SLC24A2: variants seen among roughly 807,000 people sequenced by gnomAD.
SLC24A2 encodes sodium/potassium/calcium exchanger 2.
SLC24A2 carries 36 observed loss-of-function variants against 62.0 expected under a neutral mutation model. That is an observed-to-expected ratio of 0.58 (90% confidence interval 0.44 to 0.77). SLC24A2 has a LOEUF of 0.77. Among genes scored for constraint, SLC24A2 ranks in the 30% least tolerant of loss-of-function variants. The pLI, the probability that SLC24A2 is intolerant of heterozygous loss-of-function variation, is 0.00. For synonymous variants in SLC24A2, 358 were observed against 294.0 expected (o/e 1.22, Z -2.23); for missense variants, 846 against 817.9 (o/e 1.03, Z -0.42).
At chr9:19,873,536 C>CTTTCTTTCTTTCTTTATTTCTTTCTT in the SLC24A2 span, among the ~76,000 whole-genome samples, 7 of 137,040 alleles carry the variant, frequency 5.1e-5, no homozygotes, top group South Asian at 2.2e-4. Context: ...TCCTTTCTTT[C>CTTTCTTTCTTTCTTTATTTCTTTCTT]TCTTTCTTTC....
At chr9:19,582,984 C>T (rs566825431) in intron 5 of SLC24A2, among the ~76,000 whole-genome samples, 3 of 152,210 alleles carry the variant, frequency 2.0e-5, no homozygotes, top group African/African-American at 7.2e-5. Flanking sequence ...CCCCCTTCTA[C>T]CCTCCCCTCT....
chr9:19,535,019 T>G (rs1685187937), intron 8 of SLC24A2, among the ~76,000 whole-genome samples: 2 of 152,198 alleles, frequency 1.3e-5, no homozygotes, highest in African/African-American at 4.8e-5. Context: ...CTCCAGCACC[T>G]GTTGTTTCCT....
the SLC24A2 span, among the ~76,000 whole-genome samples, chr9:19,931,721 C>T: frequency 5.6e-3 from 856 of 152,270 alleles, 10 homozygotes; most frequent in Middle Eastern, 0.024. Context: ...CCACAACACC[C>T]CTCAGTTCCA....
intron 4 of SLC24A2, among the ~76,000 whole-genome samples, chr9:19,605,810 A>G (rs1045626954): frequency 5.9e-5 from 9 of 152,212 alleles, no homozygotes; most frequent in African/African-American, 2.2e-4. Context: ...GACAGATACC[A>G]TTATCTTTCC....
intron 2 of SLC24A2, among the ~76,000 whole-genome samples, chr9:19,768,697 A>T (rs1054032604): frequency 6.6e-6 from 1 of 152,100 alleles, no homozygotes; most frequent in African/African-American, 2.4e-5. Flanking sequence ...TAAACTCATG[A>T]ATTGTTTATT....
the SLC24A2 span, among the ~76,000 whole-genome samples, chr9:19,940,539 C>A: frequency 1.3e-5 from 2 of 152,044 alleles, no homozygotes; most frequent in African/African-American, 4.8e-5. Flanking sequence ...CCAAATTCAA[C>A]CTTTTCTGAC....
chr9:19,616,394 A>G (rs1330912816), intron 4 of SLC24A2, among the ~76,000 whole-genome samples: 2 of 152,214 alleles, frequency 1.3e-5, no homozygotes, highest in Non-Finnish European at 2.9e-5. Flanking sequence ...CGGAAAGATT[A>G]GGTGACTTGT....
At chr9:19,816,578 G>C in the SLC24A2 span, among the ~76,000 whole-genome samples, 1 of 152,054 alleles carries the variant, frequency 6.6e-6, no homozygotes, top group Non-Finnish European at 1.5e-5. Context: ...TAAGAAAAGA[G>C]GTTTAATTGG....
chr9:19,550,269 C>A lies in SLC24A2; in HGVS notation c.1348-1G>T. On this transcript the variant is annotated splice_acceptor_variant, in intron 7 of 10. Coordinates refer to ENST00000341998, the MANE Select transcript of SLC24A2 (RefSeq NM_020344.4). LOFTEE classifies it high-confidence loss of function. ...GCTGGTCCTCCTCCTCATCAGCGGTCTGTGGTAGAAAAAGAGGTAAAATTA... is the reference window on the plus strand; with the variant it reads ...GCTGGTCCTCCTCCTCATCAGCGGTATGTGGTAGAAAAAGAGGTAAAATTA... 1 of 1,613,890 alleles carries A rather than the reference C, an allele frequency of 6.2e-7. No individual in the cohort carries two copies. Among genetic ancestry groups the A allele is most frequent in the South Asian group, 1.1e-5 (1 of 91,048 alleles).
chr9:19,696,172 T>C (rs1324317964), intron 2 of SLC24A2, among the ~76,000 whole-genome samples: 1 of 152,170 alleles, frequency 6.6e-6, no homozygotes, highest in Non-Finnish European at 1.5e-5. Flanking sequence ...TATGAGAATC[T>C]AATGCCTGAT....
chr9:19,999,056 G>C, the SLC24A2 span, among the ~76,000 whole-genome samples: 1 of 152,180 alleles, frequency 6.6e-6, no homozygotes, highest in Non-Finnish European at 1.5e-5. Flanking sequence ...ACTGCTTCAT[G>C]GTGTAAGATG....
At chr9:19,663,157 T>C (rs1290457872) in intron 2 of SLC24A2, among the ~76,000 whole-genome samples, 1 of 152,196 alleles carries the variant, frequency 6.6e-6, no homozygotes, top group East Asian at 1.9e-4. Flanking sequence ...CCTGACACCC[T>C]GCAAGTGAGG....
intron 4 of SLC24A2, among the ~76,000 whole-genome samples, chr9:19,614,798 C>T (rs775211152): frequency 6.7e-4 from 102 of 151,902 alleles, no homozygotes; most frequent in Non-Finnish European, 1.1e-3. Flanking sequence ...CCAGTTGAGC[C>T]CAGCTTTCCA....
At chr9:20,225,345 G>A in the SLC24A2 span, among the ~76,000 whole-genome samples, 8 of 151,246 alleles carry the variant, frequency 5.3e-5, no homozygotes, top group African/African-American at 1.2e-4. Context: ...TAGGAGCATG[G>A]ATAAATGGGT....
chr9:19,646,281 C>G (rs998170577), intron 2 of SLC24A2, among the ~76,000 whole-genome samples: 3 of 152,176 alleles, frequency 2.0e-5, no homozygotes, highest in Non-Finnish European at 4.4e-5. Context: ...TGTTTGTAGA[C>G]TCCCCTCGAA....
chr9:19,827,439 T>A, the SLC24A2 span, among the ~76,000 whole-genome samples: 2 of 152,262 alleles, frequency 1.3e-5, no homozygotes, highest in Middle Eastern at 3.4e-3. Context: ...TGTTTTCTTG[T>A]TAGGAACATT....
chr9:19,918,187 T>C, the SLC24A2 span, among the ~76,000 whole-genome samples: 1 of 151,992 alleles, frequency 6.6e-6, no homozygotes, highest in African/African-American at 2.4e-5. Flanking sequence ...TACACATATA[T>C]GTATTTCCTA....
At chr9:19,709,380 T>C (rs929044696) in intron 2 of SLC24A2, among the ~76,000 whole-genome samples, 1 of 152,210 alleles carries the variant, frequency 6.6e-6, no homozygotes, top group Non-Finnish European at 1.5e-5. Flanking sequence ...AGAAATACCA[T>C]TTGACCCAGC....
At chr9:19,855,056 T>A in the SLC24A2 span, among the ~76,000 whole-genome samples, 1 of 152,226 alleles carries the variant, frequency 6.6e-6, no homozygotes. Flanking sequence ...CCCTCCTTTG[T>A]CTTTTTTAAT....
Sources: allele counts gnomAD v4.1 joint callset (sites outside exome capture counted in the v4.1 genomes callset), GRCh38; gene constraint gnomAD v4.1.1; transcripts MANE v1.5; gene names NCBI Gene and HGNC (gene_info 2026-07-23, HGNC 2026-07-21).